Variants in GYPB observed in about 807,000 individuals in gnomAD.
GYPB encodes glycophorin B (MNS blood group).
In GYPB, 13 loss-of-function variants were observed where a neutral mutation model predicts 15.3. That is an observed-to-expected ratio of 0.85 (90% CI 0.55 to 1.35). The LOEUF (loss-of-function observed/expected upper bound fraction) is 1.35, where lower values mean the gene tolerates loss of function less well. GYPB is among the 40% of genes most tolerant of loss of function. The pLI is 0.00. For missense variants in GYPB, 131 were observed against 108.3 expected (o/e 1.21, Z -0.93); for synonymous variants, 38 against 36.9 (o/e 1.03, Z -0.11).
At chr4:144,019,152 T>A (rs1409896081) in intron 1 of GYPB, 99 bp downstream of exon 1, 15 of 1,561,140 alleles carry the variant, frequency 9.6e-6, no homozygotes, top group Middle Eastern at 1.7e-4. Context: ...TACTCATTTA[T>A]TGATTTAAAT....
intron 1 of GYPB, among the ~76,000 whole-genome samples, chr4:144,018,482 C>T (rs552623266): frequency 4.0e-5 from 6 of 151,092 alleles, no homozygotes; most frequent in African/African-American, 9.9e-5. Flanking sequence ...CTGCCTGCCC[C>T]CTGTGTGCTG....
chr4:144,007,848 T>C (rs1055143943), intron 1 of GYPB, among the ~76,000 whole-genome samples: 2 of 151,318 alleles, frequency 1.3e-5, no homozygotes, highest in Admixed American at 6.6e-5. Flanking sequence ...ATATTGCCCA[T>C]ACTAGCCTCA....
At chr4:144,007,099 A>G (rs1419419164) in intron 1 of GYPB, among the ~76,000 whole-genome samples, 4 of 150,566 alleles carry the variant, frequency 2.7e-5, no homozygotes, top group South Asian at 4.2e-4. Flanking sequence ...GTGGCCATTC[A>G]TTTTTCTTTT....
chr4:144,012,651 C>T (rs995470777), intron 1 of GYPB: 32 of 151,562 alleles, frequency 2.1e-4, no homozygotes, highest in African/African-American at 7.6e-4. Flanking sequence ...ATTGAGACTC[C>T]AGAAATAAAC....
Position 143,997,579 on chromosome 4 carries a change from C to G in GYPB, c.231G>C (p.Thr77=), listed in dbSNP as rs376038061. 1.9e-6 allele frequency: 3 copies of G among 1,600,388 alleles called. No individual in the cohort carries two copies. Among genetic ancestry groups the G allele is most frequent in the Non-Finnish European group, 2.6e-6 (3 of 1,169,928 alleles). Reference sequence around the variant, plus strand: ...GAATACTGTAAGAAATTAAGAGGATCGTTCCAATAATACCAGCCATCACAC... The same window carrying G: ...GAATACTGTAAGAAATTAAGAGGATGGTTCCAATAATACCAGCCATCACAC... ...ILCVMAGIIG[T]ILLISYSIRR... Residue 77 remains threonine, a synonymous_variant, in exon 4 of 5, where the codon ACG becomes ACC. Coordinates refer to ENST00000502664, the MANE Select transcript of GYPB (RefSeq NM_002100.6).
chr4:144,011,240 C>T (rs1360921581), intron 1 of GYPB, among the ~76,000 whole-genome samples: 1 of 151,084 alleles, frequency 6.6e-6, no homozygotes, highest in Non-Finnish European at 1.5e-5. Context: ...ATTAACTGGG[C>T]GTGGTGGTGT....
At position 143,999,411 on chromosome 4, in the gene GYPB, C is replaced by A; in HGVS notation, c.175G>T (p.Ala59Ser). The change falls in exon 3 of 5, where the codon GCT (alanine) becomes TCT (serine). Residue 59 changes from alanine to serine, a missense_variant and splice_region_variant. Ala to Ser is a moderately conservative substitution (Grantham distance 99). Transcript: ENST00000502664. The part of the protein sequence containing the change: ...GQLVHRFTVP[A>S]PVVIILIILC... ...TATTCTTTGTCAAATATTAACATAC[C>A]TGGTACAGTGAAACGATGGACAAGT... The A allele has an allele frequency of 6.6e-7, 1 of 1,510,888 alleles. No homozygotes were observed. Among genetic ancestry groups the A allele is most frequent in the Non-Finnish European group, 9.2e-7 (1 of 1,092,324 alleles). 93.6% of individuals were successfully genotyped at this position (1,510,888 alleles called of 1,614,324 possible).
intron 2 of GYPB, chr4:144,000,398 GA>G: frequency 9.3e-7 from 1 of 1,074,626 alleles, no homozygotes; most frequent in Non-Finnish European, 1.2e-6. Flanking sequence ...TTCTTTTCTG[GA>G]GGGGAAACAG....
intron 1 of GYPB, among the ~76,000 whole-genome samples, chr4:144,014,129 G>T (rs1197599165): frequency 2.0e-5 from 3 of 151,744 alleles, no homozygotes; most frequent in Non-Finnish European, 2.9e-5. Flanking sequence ...TGGAGAAATT[G>T]GCACCTCATA....
intron 1 of GYPB, among the ~76,000 whole-genome samples, chr4:144,006,495 A>G (rs138922204): frequency 0.012 from 1,772 of 151,900 alleles, 116 homozygotes; most frequent in African/African-American, 0.041. Context: ...TTCCCAAATA[A>G]TTGACATTTC....
intron 1 of GYPB, 52 bp from the exon 2 acceptor site, chr4:144,001,335 A>C: frequency 2.5e-6 from 4 of 1,612,298 alleles, no homozygotes; most frequent in Non-Finnish European, 3.4e-6. Context: ...GACTGAGCAG[A>C]CCATAAAGCA....
At chr4:144,000,971 T>C (rs1727589552) in intron 2 of GYPB, among the ~76,000 whole-genome samples, 1 of 151,258 alleles carries the variant, frequency 6.6e-6, no homozygotes. Flanking sequence ...CACATTGTTT[T>C]AATTTCTTTA....
chr4:144,017,446 A>G (rs1378627511), intron 1 of GYPB, among the ~76,000 whole-genome samples: 1 of 151,042 alleles, frequency 6.6e-6, no homozygotes, highest in Non-Finnish European at 1.5e-5. Flanking sequence ...GTTATACTAT[A>G]AAGTGGCCAC....
In GYPB at chr4:143,996,290, G is replaced by T. The variant is rs149518981; in HGVS notation, c.*9C>A. 2.0e-3 allele frequency: 3,075 copies of T among 1,550,846 alleles called. 219 individuals are homozygous for T. In the African/African-American group the frequency reaches 0.038, roughly 19 times the overall value. ...CTAGGCAAGATCAGGCAGCATGCAG[G>T]CCACATCCTCATGCCTGTGATAAAA... On this transcript the variant is annotated 3_prime_UTR_variant, in exon 5 of 5. Coordinates refer to ENST00000502664, the MANE Select transcript of GYPB (RefSeq NM_002100.6).
intron 1 of GYPB, among the ~76,000 whole-genome samples, chr4:144,016,526 C>G (rs992845600): frequency 6.6e-5 from 10 of 151,020 alleles, no homozygotes; most frequent in African/African-American, 2.5e-4. Context: ...CAATCGGGAA[C>G]TGTGCTAGAT....
intron 1 of GYPB, among the ~76,000 whole-genome samples, chr4:144,015,997 G>A (rs1386775717): frequency 4.0e-5 from 6 of 151,040 alleles, no homozygotes; most frequent in African/African-American, 1.5e-4. Flanking sequence ...CTATGTGGCT[G>A]ACAATGTGTG....
At chr4:143,995,580 A>G (rs1305861053), downstream of GYPB, among the ~76,000 whole-genome samples, 2 of 151,106 alleles carry the variant, frequency 1.3e-5, no homozygotes, top group South Asian at 4.2e-4. Flanking sequence ...CCATCTCAGT[A>G]AGATCTGCTG....
intron 1 of GYPB, chr4:144,002,782 T>G (rs936148260): frequency 2.4e-6 from 2 of 835,666 alleles, no homozygotes; most frequent in Non-Finnish European, 3.4e-6. Context: ...CTTTCTCTAT[T>G]TATCAGCTGA....
At position 143,997,589 on chromosome 4, in the gene GYPB, A is replaced by G. The variant is rs1043433456; in HGVS notation, c.221T>C (p.Ile74Thr). 8 of 1,599,788 alleles carry G rather than the reference A, an allele frequency of 5.0e-6. No homozygotes were observed. The highest frequency in any genetic ancestry group is 1.7e-5 in the Admixed American group (1 of 59,916). ...ILIILCVMAG[I>T]IGTILLISYS... ...AGAAATTAAGAGGATCGTTCCAATA[A>G]TACCAGCCATCACACACAAAATAAT... The change falls in exon 4 of 5, where the codon ATT (isoleucine) becomes ACT (threonine). Residue 74 changes from isoleucine to threonine, a missense_variant. Transcript: ENST00000502664.
Sources: allele counts gnomAD v4.1 joint callset (sites outside exome capture counted in the v4.1 genomes callset), GRCh38; gene constraint gnomAD v4.1.1; transcripts MANE v1.5; gene names NCBI Gene and HGNC (gene_info 2026-07-23, HGNC 2026-07-21).